RIMKLA: variants seen among roughly 807,000 people sequenced by gnomAD.
RIMKLA encodes the protein N-acetylaspartylglutamate synthase A.
RIMKLA carries 14 observed loss-of-function variants against 32.7 expected under a neutral mutation model. That is an observed-to-expected ratio of 0.43 (90% CI 0.28 to 0.67). The LOEUF is 0.67. Among genes scored for constraint, RIMKLA ranks in the 30% least tolerant of loss-of-function variants. RIMKLA has a pLI of 0.18. For missense variants in RIMKLA, 410 were observed against 519.0 expected (o/e 0.79, Z 2.04); for synonymous variants, 176 against 204.1 (o/e 0.86, Z 1.18).
In RIMKLA at chr1:42,423,769, G is replaced by A. The variant is rs1288720693; in HGVS notation, c.*8795G>A. Among the ~76,000 whole-genome samples, 2 of 152,158 alleles carry A rather than the reference G, an allele frequency of 1.3e-5. No individual in the cohort carries two copies. On this transcript the variant is annotated 3_prime_UTR_variant, in exon 5 of 5. Transcript: ENST00000431473. ...CTGGCACCCACTTGTCTATCACGCT[G>A]GTATCCGCTGCTTTTCCTGCAGCTG...
In RIMKLA at chr1:42,423,089, C is replaced by G. The variant is rs140358021; in HGVS notation, c.*8115C>G. Among the ~76,000 whole-genome samples, 43 of 152,218 alleles carry G rather than the reference C, an allele frequency of 2.8e-4. No homozygotes were observed. The highest frequency in any genetic ancestry group is 1.0e-3 in the African/African-American group (42 of 41,534). On this transcript the variant is annotated 3_prime_UTR_variant, in exon 5 of 5. Coordinates refer to ENST00000431473, the MANE Select transcript of RIMKLA (RefSeq NM_173642.4). ...TCCTGGGAGAAGCGGTGATAAGACC[C>G]TGGGGGACTAACAGTCAAAACAAGG...
Position 42,421,139 on chromosome 1 carries a change from T to C in RIMKLA, c.*6165T>C, listed in dbSNP as rs1243933680. 6.6e-6 allele frequency: 1 copy of C among 152,264 alleles called. No homozygotes were observed. Among genetic ancestry groups the C allele is most frequent in the Non-Finnish European group, 1.5e-5 (1 of 68,056 alleles). 9.4% of individuals were successfully genotyped at this position (152,264 alleles called of 1,614,324 possible). A position where few individuals can be genotyped will look rare whatever the true frequency, so the allele number is the denominator to read the frequency against. On this transcript the variant is annotated 3_prime_UTR_variant, in exon 5 of 5. Transcript: ENST00000431473. The surrounding 1 kb of genome is among the most constrained non-coding windows in gnomAD (Gnocchi z 4.6). ...AAGGTCCCATCCATCCTTGAGATTTTATGACGCTATGTGCAAGATCTAGCG... is the reference window on the plus strand; with the variant it reads ...AAGGTCCCATCCATCCTTGAGATTTCATGACGCTATGTGCAAGATCTAGCG...
At chr1:42,387,409 G>A (rs1642960056) in intron 1 of RIMKLA, among the ~76,000 whole-genome samples, 1 of 149,338 alleles carries the variant, frequency 6.7e-6, no homozygotes, top group Non-Finnish European at 1.5e-5. Flanking sequence ...AAAAAAAAAT[G>A]TAACTCCAGA....
At chr1:42,407,725 A>G (rs1449788256) in intron 3 of RIMKLA, among the ~76,000 whole-genome samples, 1 of 152,144 alleles carries the variant, frequency 6.6e-6, no homozygotes, top group East Asian at 1.9e-4. Flanking sequence ...CTGTAACTTT[A>G]TAGTAAGTTT....
chr1:42,385,830 T>TCC (rs1557749857), intron 1 of RIMKLA, among the ~76,000 whole-genome samples: 10 of 74,206 alleles, frequency 1.3e-4, no homozygotes, highest in African/African-American at 4.0e-4. Flanking sequence ...CTTCCTTCCT[T>TCC]TCTTTCTTTC....
At chr1:42,410,279 A>G in intron 4 of RIMKLA, 92 bp downstream of exon 4, 1 of 1,015,986 alleles carries the variant, frequency 9.8e-7, no homozygotes, top group Non-Finnish European at 1.5e-6. Flanking sequence ...ACCCTCTGCT[A>G]GACACCAGGA....
chr1:42,411,374 T>C (rs575746534), intron 4 of RIMKLA, among the ~76,000 whole-genome samples: 3 of 152,162 alleles, frequency 2.0e-5, no homozygotes, highest in South Asian at 2.1e-4. Flanking sequence ...AAGATAATTG[T>C]GATAAAGTGA....
chr1:42,419,812 G>A lies in RIMKLA; in HGVS notation c.*4838G>A, dbSNP rs1250971870. The A allele has an allele frequency of 6.6e-6, 1 of 152,206 alleles. No individual in the cohort carries two copies. The highest frequency in any genetic ancestry group is 1.5e-5 in the Non-Finnish European group (1 of 68,052). The allele number at this position is 152,206 out of a possible 1,614,324, so 9.4% of individuals were successfully genotyped here. A position where few individuals can be genotyped will look rare whatever the true frequency, so the allele number is the denominator to read the frequency against. On this transcript the variant is annotated 3_prime_UTR_variant, in exon 5 of 5. Coordinates refer to ENST00000431473, the MANE Select transcript of RIMKLA (RefSeq NM_173642.4). ...AACTCTACCCCACACTTTCAGTGGTGGGATGTGAGGAAGAAAGCCCATGCC... is the reference window on the plus strand; with the variant it reads ...AACTCTACCCCACACTTTCAGTGGTAGGATGTGAGGAAGAAAGCCCATGCC...
chr1:42,389,615 CGGCCT>C (rs752009756), intron 1 of RIMKLA, among the ~76,000 whole-genome samples: 1 of 151,980 alleles, frequency 6.6e-6, no homozygotes, highest in Non-Finnish European at 1.5e-5. Flanking sequence ...AGTTCGAGAC[CGGCCT>C]GGCCAACATG....
intron 1 of RIMKLA, among the ~76,000 whole-genome samples, chr1:42,389,936 A>G (rs1345971356): frequency 6.6e-6 from 1 of 152,172 alleles, no homozygotes; most frequent in Non-Finnish European, 1.5e-5. Flanking sequence ...AAGAGTGAAT[A>G]TAAACAGTCT....
rs1396140219 is a variant in RIMKLA, at chr1:42,385,823, C to T, written c.163+4726C>T. On this transcript the variant is annotated intron_variant, in intron 1 of 4. Coordinates refer to ENST00000431473, the MANE Select transcript of RIMKLA (RefSeq NM_173642.4). The stretch of plus-strand genomic sequence containing the variant: ...TCTCTCTCTCTTTCCTTCCTTCCTT[C>T]CTTCCTTTCTTTCTTTCTTTCTCTT... Among the ~76,000 whole-genome samples the T allele has an allele frequency of 4.8e-4, 42 of 87,136 alleles. 3 individuals carry two copies. The highest frequency in any genetic ancestry group is 2.4e-4 in the East Asian group (1 of 4,102). The allele number at this position is 87,136 out of a possible 152,430, so 57.2% of individuals were successfully genotyped here.
intron 1 of RIMKLA, among the ~76,000 whole-genome samples, chr1:42,381,627 G>T (rs1229133114): frequency 6.6e-6 from 1 of 152,174 alleles, no homozygotes; most frequent in Non-Finnish European, 1.5e-5. Flanking sequence ...GTCACTTCTC[G>T]AGTGTAAAGT....
At position 42,415,071 on chromosome 1, in the gene RIMKLA, A is replaced by C; in HGVS notation, c.*97A>C. ...GACTAATGTGATTTCATTTGCACAG[A>C]AACTAGAAATCCCATCTGGGCACTC... is the stretch of plus-strand genomic sequence containing the variant. On this transcript the variant is annotated 3_prime_UTR_variant, in exon 5 of 5. Transcript: ENST00000431473. 1 of 1,326,124 alleles carries C rather than the reference A, an allele frequency of 7.5e-7. No homozygotes were observed. The highest frequency in any genetic ancestry group is 1.0e-6 in the Non-Finnish European group (1 of 975,342). 82.1% of individuals were successfully genotyped at this position (1,326,124 alleles called of 1,614,324 possible). A position where few individuals can be genotyped will look rare whatever the true frequency, so the allele number is the denominator to read the frequency against.
In RIMKLA at chr1:42,414,892, C is replaced by T. The variant is rs776396357; in HGVS notation, c.1094C>T (p.Thr365Ile). Residue 365 changes from threonine (T) to isoleucine (I), a missense_variant, in exon 5 of 5, where the codon ACA (threonine) becomes ATA (isoleucine). By Grantham distance (89) the Thr-to-Ile change is moderately conservative (BLOSUM62 -1). Coordinates refer to ENST00000431473, the MANE Select transcript of RIMKLA (RefSeq NM_173642.4). ...LGEIRDSSAS[T>I]MGAPPSMLPE... ...GAGATCCGGGATTCCTCAGCAAGCA[C>T]AATGGGGGCCCCACCCTCCATGCTG... is the stretch of plus-strand genomic sequence containing the variant. 6.2e-7 allele frequency: 1 copy of T among 1,614,182 alleles called. No individual in the cohort carries two copies. Among genetic ancestry groups the T allele is most frequent in the South Asian group, 1.1e-5 (1 of 91,082 alleles).
intron 3 of RIMKLA, 44 bp from the exon 4 acceptor site, chr1:42,409,940 A>T: frequency 6.6e-7 from 1 of 1,504,054 alleles, no homozygotes; most frequent in Non-Finnish European, 9.3e-7. Flanking sequence ...TACAGAGTCC[A>T]GAGGCTTCTC....
chr1:42,383,866 A>G (rs946080194), intron 1 of RIMKLA, among the ~76,000 whole-genome samples: 2 of 152,238 alleles, frequency 1.3e-5, no homozygotes, highest in South Asian at 2.1e-4. Flanking sequence ...GGATGTCTGC[A>G]GCCTATAGTA....
At chr1:42,412,595 C>T (rs749101705) in intron 4 of RIMKLA, 21 of 509,352 alleles carry the variant, frequency 4.1e-5, no homozygotes, top group Non-Finnish European at 7.8e-5. Flanking sequence ...ACTTGTTTAA[C>T]CTGCCTGTGA....
At chr1:42,395,073 G>A (rs1362565118) in intron 1 of RIMKLA, among the ~76,000 whole-genome samples, 1 of 152,130 alleles carries the variant, frequency 6.6e-6, no homozygotes, top group Admixed American at 6.5e-5. Flanking sequence ...ATATGGGTTA[G>A]AAAAAACAGA....
At chr1:42,396,236 C>CAAAAAAAAAAAAAAAAAAAAAAAAAAA (rs11363612) in intron 1 of RIMKLA, among the ~76,000 whole-genome samples, 1 of 60,902 alleles carries the variant, frequency 1.6e-5, no homozygotes, top group Non-Finnish European at 2.7e-5. Flanking sequence ...AACTCCATCT[C>CAAAAAAAAAAAAAAAAAAAAAAAAAAA]AAAAAAAAAA....
Sources: gnomAD v4.1 joint callset for allele counts (sites outside exome capture counted in the v4.1 genomes callset) on GRCh38, gnomAD v4.1.1 for gene constraint, Gnocchi (gnomAD v3.1) non-coding constraint, MANE v1.5 for transcripts, NCBI Gene and HGNC (gene_info 2026-07-23, HGNC 2026-07-21) for gene names.